Variants in ERC2 observed in about 807,000 individuals in gnomAD.
ERC2 encodes the protein ELKS/RAB6-interacting/CAST family member 2.
Under a neutral mutation model 114.8 loss-of-function variants are expected in ERC2, and 42 were observed. The observed-to-expected ratio is 0.37, with a 90% CI of 0.29 to 0.47. The LOEUF (loss-of-function observed/expected upper bound fraction) is 0.47. Among genes scored for constraint, ERC2 ranks in the 20% least tolerant of loss-of-function variants. The pLI, the probability that ERC2 is intolerant of heterozygous loss-of-function variation, is 0.99. For missense variants in ERC2, 939 were observed against 1,150.7 expected (o/e 0.82, Z 2.66); for synonymous variants, 454 against 425.5 (o/e 1.07, Z -0.82).
intron 2 of ERC2, among the ~76,000 whole-genome samples, chr3:56,387,603 T>C (rs1481979672): frequency 5.9e-5 from 9 of 152,234 alleles, no homozygotes; most frequent in Non-Finnish European, 1.5e-5. Flanking sequence ...CCTTTGCTAA[T>C]GCATCCAAGC....
chr3:56,086,325 C>G (rs1199162536), intron 6 of ERC2, among the ~76,000 whole-genome samples: 2 of 152,078 alleles, frequency 1.3e-5, no homozygotes, highest in Non-Finnish European at 2.9e-5. Context: ...CACCCAAATT[C>G]AACATGGCAG....
chr3:56,150,333 C>A (rs1208980287), intron 4 of ERC2, among the ~76,000 whole-genome samples: 1 of 152,030 alleles, frequency 6.6e-6, no homozygotes, highest in Admixed American at 6.6e-5. Context: ...ATAATCTATG[C>A]CCAGTGGTAT....
intron 7 of ERC2, among the ~76,000 whole-genome samples, chr3:56,027,631 T>G (rs2074125697): frequency 6.6e-6 from 1 of 152,246 alleles, no homozygotes. Flanking sequence ...CGGTAAAATG[T>G]CTCTTCAAGT....
intron 14 of ERC2, among the ~76,000 whole-genome samples, chr3:55,765,501 A>G (rs947018369): frequency 6.6e-6 from 1 of 152,210 alleles, no homozygotes; most frequent in Non-Finnish European, 1.5e-5. Flanking sequence ...ATTCCACCCA[A>G]TGACGTAGCA....
chr3:56,198,130 TG>T (rs2048212011), intron 3 of ERC2, among the ~76,000 whole-genome samples: 1 of 152,226 alleles, frequency 6.6e-6, no homozygotes, highest in South Asian at 2.1e-4. Context: ...AAGGGAAATT[TG>T]TCCATTCTGG....
At chr3:55,898,457 C>A (rs2063948533) in intron 13 of ERC2, among the ~76,000 whole-genome samples, 1 of 152,140 alleles carries the variant, frequency 6.6e-6, no homozygotes, top group Admixed American at 6.5e-5. Context: ...CCATCAGGCC[C>A]CAGCTACATG....
At chr3:56,280,174 G>A (rs933042154) in intron 3 of ERC2, among the ~76,000 whole-genome samples, 6 of 152,070 alleles carry the variant, frequency 3.9e-5, no homozygotes, top group African/African-American at 9.7e-5. Context: ...ATGGAGGGGG[G>A]TGCCACAAGC....
intron 2 of ERC2, among the ~76,000 whole-genome samples, chr3:56,409,361 C>T (rs149632403): frequency 7.2e-5 from 11 of 152,124 alleles, no homozygotes; most frequent in East Asian, 3.9e-4. Context: ...CCAAGGTTAG[C>T]GTTCCTGTAT....
intron 2 of ERC2, among the ~76,000 whole-genome samples, chr3:56,324,248 T>C (rs1338625518): frequency 6.6e-6 from 1 of 152,122 alleles, no homozygotes; most frequent in African/African-American, 2.4e-5. Flanking sequence ...GGAGCTGGCT[T>C]TAAATTTATC....
At chr3:56,315,884 A>T in intron 2 of ERC2, among the ~76,000 whole-genome samples, 1 of 152,178 alleles carries the variant, frequency 6.6e-6, no homozygotes, top group East Asian at 1.9e-4. Flanking sequence ...AAAAGAAAGT[A>T]TCTAACAGTA....
chr3:56,280,939 T>C (rs995991057), intron 3 of ERC2, among the ~76,000 whole-genome samples: 6 of 152,202 alleles, frequency 3.9e-5, no homozygotes, highest in Admixed American at 6.5e-5. Flanking sequence ...AATGAGTGCT[T>C]GGCACTTAGT....
intron 1 of ERC2, among the ~76,000 whole-genome samples, chr3:56,451,412 C>T (rs533025196): frequency 2.0e-5 from 3 of 151,732 alleles, no homozygotes; most frequent in Admixed American, 6.6e-5. Flanking sequence ...TGAGGAATGG[C>T]TCCAATGGGC....
intron 17 of ERC2, among the ~76,000 whole-genome samples, chr3:55,575,575 A>C (rs2056935410): frequency 6.6e-6 from 1 of 152,184 alleles, no homozygotes; most frequent in African/African-American, 2.4e-5. Flanking sequence ...GATGTATGAA[A>C]AGTAAGTAGG....
chr3:56,111,153 T>C (rs1414415885), intron 6 of ERC2, among the ~76,000 whole-genome samples: 2 of 152,146 alleles, frequency 1.3e-5, no homozygotes, highest in African/African-American at 2.4e-5. Flanking sequence ...CTGTGTTCTA[T>C]GAACTCAAAT....
chr3:56,118,424 G>A (rs2079372975), intron 6 of ERC2, among the ~76,000 whole-genome samples: 1 of 152,046 alleles, frequency 6.6e-6, no homozygotes, highest in Non-Finnish European at 1.5e-5. Context: ...GATATAACAT[G>A]CACAAAGCTC....
chr3:56,255,745 T>C (rs2052472068), intron 3 of ERC2, among the ~76,000 whole-genome samples: 1 of 152,204 alleles, frequency 6.6e-6, no homozygotes, highest in Non-Finnish European at 1.5e-5. Flanking sequence ...TGCCAGTGGG[T>C]TGAATTCTTT....
chr3:56,002,028 T>G (rs970597676), intron 10 of ERC2, among the ~76,000 whole-genome samples: 17 of 152,150 alleles, frequency 1.1e-4, no homozygotes, highest in Non-Finnish European at 2.1e-4. Context: ...TGATTATTTT[T>G]TGCTTCTCTG....
intron 14 of ERC2, among the ~76,000 whole-genome samples, chr3:55,785,200 C>A (rs2069388976): frequency 6.6e-6 from 1 of 152,160 alleles, no homozygotes; most frequent in African/African-American, 2.4e-5. Flanking sequence ...CAAGGAAAAC[C>A]TAAAAATAGG....
At chr3:55,902,501 A>G (rs2064192488) in intron 13 of ERC2, among the ~76,000 whole-genome samples, 1 of 152,160 alleles carries the variant, frequency 6.6e-6, no homozygotes, top group Non-Finnish European at 1.5e-5. Flanking sequence ...CCACGTACAA[A>G]GCGGCTGGTA....
Sources: allele counts gnomAD v4.1 joint callset (sites outside exome capture counted in the v4.1 genomes callset), GRCh38; gene constraint gnomAD v4.1.1; transcripts MANE v1.5; gene names NCBI Gene and HGNC (gene_info 2026-07-23, HGNC 2026-07-21).